Variants in ARID1B observed in about 807,000 individuals in gnomAD.
ARID1B encodes the protein AT-rich interactive domain-containing protein 1B.
ARID1B carries 30 observed loss-of-function variants against 212.3 expected under a neutral mutation model. That is an observed-to-expected ratio of 0.14 (90% CI 0.11 to 0.19). The LOEUF (loss-of-function observed/expected upper bound fraction) is 0.19. ARID1B is among the 10% of genes least tolerant of loss of function. The probability of loss-of-function intolerance (pLI) is 1.00; values close to 1 mark genes in which losing one functional copy is unlikely to be tolerated. For missense variants in ARID1B, 2,891 were observed against 3,204.0 expected, an observed-to-expected ratio of 0.90 and a Z score of 2.36; for synonymous variants, 1,402 against 1,301.7, an observed-to-expected ratio of 1.08 and a Z score of -1.66.
At chr6:157,105,672 G>T (rs113301078) in intron 5 of ARID1B, among the ~76,000 whole-genome samples, 8,340 of 152,186 alleles carry the variant, frequency 0.055, 346 homozygotes, top group Non-Finnish European at 0.086. Context: ...TGCAATCTCG[G>T]CTCACTGCAA....
At chr6:156,829,559 A>G in intron 2 of ARID1B, 138 bp downstream of exon 2, 2 of 1,015,526 alleles carry the variant, frequency 2.0e-6, no homozygotes, top group Non-Finnish European at 2.8e-6. Flanking sequence ...TGTTTCTTTA[A>G]TCACAGGTAT....
chr6:156,930,581 A>T (rs2128256926), intron 3 of ARID1B, among the ~76,000 whole-genome samples: 1 of 152,360 alleles, frequency 6.6e-6, no homozygotes, highest in South Asian at 2.1e-4. Context: ...TTTCATGTGA[A>T]GATATATGCG....
At chr6:157,049,938 T>A (rs1358346758) in intron 4 of ARID1B, among the ~76,000 whole-genome samples, 8 of 152,216 alleles carry the variant, frequency 5.3e-5, no homozygotes. Flanking sequence ...TAACCTGCAC[T>A]TCATATCATC....
At chr6:157,172,104 G>A (rs370968907) in intron 9 of ARID1B, among the ~76,000 whole-genome samples, 1 of 152,132 alleles carries the variant, frequency 6.6e-6, no homozygotes, top group Non-Finnish European at 1.5e-5. Context: ...ATGTGGACTC[G>A]CATACATAAG....
Position 157,133,034 on chromosome 6 carries a change from T to G in ARID1B, c.2588T>G (p.Met863Arg), listed in dbSNP as rs141219657. 5 of 1,598,798 alleles carry G rather than the reference T, an allele frequency of 3.1e-6. No homozygotes were observed. The highest frequency in any genetic ancestry group is 1.8e-5 in the Admixed American group (1 of 55,642). The change falls in exon 7 of 20, where the codon ATG becomes AGG. Residue 863 changes from methionine (M) to arginine (R), a missense_variant. Physicochemically the swap from Met to Arg is moderately conservative, Grantham distance 91 (BLOSUM62 -1). Around this residue, in one of 7 missense-constraint regions of ARID1B, gnomAD observed 1,643 missense variants for 1,544.0 expected, o/e 1.06. Transcript: ENST00000636930. The stretch of plus-strand genomic sequence containing the variant: ...CCATTTATTTCCCACTTAGGTTTTA[T>G]GGCAGGCACACAAAGAAACCCTCAG... ...QSPMPQERGF[M>R]AGTQRNPQMA...
chr6:157,117,215 C>A (rs1241827541), intron 6 of ARID1B, among the ~76,000 whole-genome samples: 1 of 152,148 alleles, frequency 6.6e-6, no homozygotes, highest in Non-Finnish European at 1.5e-5. Flanking sequence ...ATCAAAATTT[C>A]TATACTTCAA....
chr6:156,777,857 GGGCGGC>G lies in ARID1B; in HGVS notation c.182_187del (p.Gly61_Gly62del). The G allele has an allele frequency of 3.0e-6, 4 of 1,337,364 alleles. No individual in the cohort carries two copies. Among genetic ancestry groups the G allele is most frequent in the Admixed American group, 4.0e-5 (1 of 24,942 alleles). 82.8% of individuals were successfully genotyped at this position (1,337,364 alleles called of 1,614,324 possible). A position where few individuals can be genotyped will look rare whatever the true frequency, so the allele number is the denominator to read the frequency against. On this transcript the variant is annotated inframe_deletion, in exon 1 of 20. Coordinates refer to ENST00000636930, the MANE Select transcript of ARID1B (RefSeq NM_001374828.1). The stretch of plus-strand genomic sequence containing the variant: ...CGGCGGCACCGGGACCCATGCTGGG[GGGCGGC>G]GGCGACGGCGGCGGCGGCCTGAACA...
At chr6:156,805,912 A>G (rs1415564305) in intron 1 of ARID1B, among the ~76,000 whole-genome samples, 1 of 152,138 alleles carries the variant, frequency 6.6e-6, no homozygotes, top group Non-Finnish European at 1.5e-5. Context: ...CCTGGCCTCA[A>G]GTGATCCTCC....
At chr6:157,114,930 C>G (rs1304614563) in intron 6 of ARID1B, among the ~76,000 whole-genome samples, 6 of 152,156 alleles carry the variant, frequency 3.9e-5, no homozygotes, top group African/African-American at 9.7e-5. Flanking sequence ...AGTAGCTGAA[C>G]CCTTGCTCTG....
At chr6:156,830,618 A>G (rs1783080446) in intron 2 of ARID1B, among the ~76,000 whole-genome samples, 1 of 152,094 alleles carries the variant, frequency 6.6e-6, no homozygotes, top group Non-Finnish European at 1.5e-5. Flanking sequence ...TATTTTAATT[A>G]TAATATTGTG....
intron 4 of ARID1B, among the ~76,000 whole-genome samples, chr6:157,073,919 A>T (rs1383066922): frequency 6.6e-6 from 1 of 152,206 alleles, no homozygotes; most frequent in African/African-American, 2.4e-5. Flanking sequence ...TATTATCCAC[A>T]TGCTACACAC....
intron 1 of ARID1B, among the ~76,000 whole-genome samples, chr6:156,794,570 CTTTTTTTTTTTTT>C (rs34848808): frequency 1.5e-4 from 10 of 67,974 alleles, no homozygotes; most frequent in Admixed American, 3.9e-4. Flanking sequence ...CTGGCACATT[CTTTTTTTTTTTTT>C]TTTTTTTTTT....
At chr6:157,028,727 C>A (rs1780823339) in intron 4 of ARID1B, among the ~76,000 whole-genome samples, 2 of 152,160 alleles carry the variant, frequency 1.3e-5, no homozygotes, top group Admixed American at 1.3e-4. Context: ...ATTCCACTGT[C>A]TCAAGAAAAT....
At chr6:156,978,158 C>T (rs994935527) in intron 4 of ARID1B, among the ~76,000 whole-genome samples, 6 of 152,314 alleles carry the variant, frequency 3.9e-5, no homozygotes, top group East Asian at 1.9e-4. Flanking sequence ...CTGTCTCTTA[C>T]GCTTCCCTGA....
At chr6:156,978,700 G>A (rs1295977228) in intron 4 of ARID1B, among the ~76,000 whole-genome samples, 4 of 152,144 alleles carry the variant, frequency 2.6e-5, no homozygotes, top group African/African-American at 9.7e-5. Context: ...ATCTCATTTA[G>A]TTTCATGGTA....
At chr6:156,797,199 C>T (rs1413001832) in intron 1 of ARID1B, among the ~76,000 whole-genome samples, 1 of 152,190 alleles carries the variant, frequency 6.6e-6, no homozygotes, top group East Asian at 1.9e-4. Flanking sequence ...AGTGACAAAA[C>T]CTAGTCCCTA....
chr6:157,004,905 T>TTTTTTG (rs1779140412), intron 4 of ARID1B, among the ~76,000 whole-genome samples: 2 of 104,816 alleles, frequency 1.9e-5, no homozygotes, highest in Non-Finnish European at 3.7e-5. Flanking sequence ...TTCTTTTTTT[T>TTTTTTG]TTTTTTTTTT....
intron 8 of ARID1B, among the ~76,000 whole-genome samples, chr6:157,161,431 G>GTGTGTGTGTGTGTATATATA (rs540423195): frequency 1.4e-5 from 2 of 139,380 alleles, no homozygotes; most frequent in African/African-American, 5.6e-5. Flanking sequence ...TTGTGTGTGT[G>GTGTGTGTGTGTGTATATATA]TATATATATA....
intron 6 of ARID1B, among the ~76,000 whole-genome samples, chr6:157,124,475 C>T (rs760918267): frequency 1.2e-4 from 18 of 152,190 alleles, no homozygotes; most frequent in Non-Finnish European, 2.6e-4. Context: ...CAAGGAATGT[C>T]ATGGAAGATA....
Sources: allele counts gnomAD v4.1 joint callset (sites outside exome capture counted in the v4.1 genomes callset), GRCh38; gene constraint gnomAD v4.1.1; regional missense constraint gnomAD v4.1.1; transcripts MANE v1.5; gene names NCBI Gene and HGNC (gene_info 2026-07-23, HGNC 2026-07-21).